The following PUDP variants were observed in gnomAD, a reference collection of about 807,000 sequenced individuals.
The protein encoded by PUDP is pseudouridine 5'-phosphatase.
PUDP carries 8 observed loss-of-function variants against 9.4 expected under a neutral mutation model. That is an observed-to-expected ratio of 0.85 (90% confidence interval 0.50 to 1.53). The LOEUF (loss-of-function observed/expected upper bound fraction) is 1.53. Among genes scored for constraint, PUDP ranks in the 40% most tolerant of loss-of-function variants. The pLI is 0.00. For missense variants in PUDP, 188 were observed against 189.7 expected (o/e 0.99, Z 0.05); for synonymous variants, 99 against 80.7 (o/e 1.23, Z -1.22).
intron 3 of PUDP, among the ~76,000 whole-genome samples, chrX:6,784,890 C>T (rs747132421): frequency 1.8e-5 from 2 of 111,877 alleles, no homozygotes; most frequent in East Asian, 5.6e-4. Context: ...TGTAGGGTAG[C>T]AATTGCATAC....
chrX:6,877,073 G>A (rs1310078718), intron 3 of PUDP, among the ~76,000 whole-genome samples: 8 of 109,901 alleles, frequency 7.3e-5, no homozygotes, highest in Non-Finnish European at 1.3e-4. Flanking sequence ...GGGTTCAAGT[G>A]ATCCTCCCGA....
At chrX:6,926,559 G>A (rs958670443) in intron 3 of PUDP, among the ~76,000 whole-genome samples, 2 of 111,906 alleles carry the variant, frequency 1.8e-5, no homozygotes, top group Non-Finnish European at 3.8e-5. Flanking sequence ...AGGCAGCTCC[G>A]CACTAATTCA....
At chrX:6,943,921 T>G (rs1272116105) in intron 3 of PUDP, among the ~76,000 whole-genome samples, 3 of 111,023 alleles carry the variant, frequency 2.7e-5, no homozygotes, top group Non-Finnish European at 5.6e-5. Flanking sequence ...TGCACAATTT[T>G]AAATGAACAG....
intron 1 of PUDP, among the ~76,000 whole-genome samples, chrX:7,145,262 TTTAC>T (rs1932836440): frequency 8.9e-6 from 1 of 112,241 alleles, no homozygotes; most frequent in Non-Finnish European, 1.9e-5. Flanking sequence ...TCTGTATCTT[TTTAC>T]TTATTAAAAA....
At chrX:6,760,927 C>G in intron 3 of PUDP, among the ~76,000 whole-genome samples, 1 of 112,219 alleles carries the variant, frequency 8.9e-6, no homozygotes, top group South Asian at 3.7e-4. Context: ...AGGTTGTGGA[C>G]TACATAATTC....
intron 1 of PUDP, among the ~76,000 whole-genome samples, chrX:6,708,676 T>C (rs1924497119): frequency 8.9e-6 from 1 of 112,196 alleles, no homozygotes; most frequent in Non-Finnish European, 1.9e-5. Context: ...TGGCTGCCGT[T>C]GTTTTCATCA....
rs747848420 is a variant in PUDP at position 7,050,986 on chromosome X, G to A, written c.511-514C>T. On this transcript the variant is annotated intron_variant, in intron 3 of 3. Coordinates refer to ENST00000381077, the MANE Select transcript of PUDP (RefSeq NM_012080.5). ...TGACGTGACAAATGAGCACGAAAAC[G>A]TAGTGTGCGTGCATGCTCTCTTTTG... Among the ~76,000 whole-genome samples, 64 of 111,966 alleles carry A rather than the reference G, an allele frequency of 5.7e-4. 1 individual carries two copies. Among genetic ancestry groups the A allele is most frequent in the African/African-American group, 1.9e-3 (59 of 30,850 alleles).
intron 2 of PUDP, chrX:7,084,918 G>A (rs991922308): frequency 9.0e-6 from 1 of 111,714 alleles, no homozygotes; most frequent in Non-Finnish European, 1.9e-5. Flanking sequence ...CCGGTTATCC[G>A]AGTTCATGGT....
chrX:6,823,831 G>A (rs1479113224), intron 3 of PUDP, among the ~76,000 whole-genome samples: 1 of 112,355 alleles, frequency 8.9e-6, no homozygotes, highest in Non-Finnish European at 1.9e-5. Context: ...GACCATATAG[G>A]GTAACTTCCG....
chrX:6,782,454 C>T (rs1925579736), intron 3 of PUDP, among the ~76,000 whole-genome samples: 1 of 111,365 alleles, frequency 9.0e-6, no homozygotes, highest in Non-Finnish European at 1.9e-5. Context: ...CCTGTAATCC[C>T]AGCTACTCAG....
At chrX:7,088,131 T>C (rs1169893824) in intron 2 of PUDP, among the ~76,000 whole-genome samples, 5 of 112,294 alleles carry the variant, frequency 4.5e-5, no homozygotes, top group African/African-American at 1.6e-4. Context: ...TTTCAGCCAT[T>C]GAAAATAAAA....
chrX:7,135,725 C>G (rs1932726567), intron 1 of PUDP, among the ~76,000 whole-genome samples: 1 of 111,943 alleles, frequency 8.9e-6, no homozygotes. Context: ...ATGCTTAAGA[C>G]TTAATCTTCC....
intron 1 of PUDP, among the ~76,000 whole-genome samples, chrX:6,987,207 A>G (rs1247703810): frequency 1.8e-5 from 2 of 112,294 alleles, no homozygotes; most frequent in Non-Finnish European, 3.8e-5. Flanking sequence ...CCTGGGAAGA[A>G]AAATGCAAAA....
intron 3 of PUDP, among the ~76,000 whole-genome samples, chrX:6,761,456 C>T (rs763853354): frequency 1.8e-5 from 2 of 112,069 alleles, no homozygotes; most frequent in South Asian, 7.5e-4. Context: ...TGGCCACACC[C>T]CAATGCTTAA....
chrX:7,002,736 G>T (rs779330454), intron 1 of PUDP, among the ~76,000 whole-genome samples: 1 of 111,321 alleles, frequency 9.0e-6, no homozygotes, highest in East Asian at 2.8e-4. Flanking sequence ...TGCATAATGG[G>T]ATCAATCCAC....
rs142470384 is a variant in PUDP at position 6,729,145 on chromosome X, G to A, written c.*248-22679C>T. On this transcript the variant is annotated intron_variant and NMD_transcript_variant, in intron 3 of 3. Coordinates refer to the PUDP transcript ENST00000655425. Reference sequence around the variant, plus strand: ...TATCTTGGGCCCTTAAAATGACTACGCTAAAGGGAAAAGTCCAGCTGGGAA... The same window carrying A: ...TATCTTGGGCCCTTAAAATGACTACACTAAAGGGAAAAGTCCAGCTGGGAA... Among the ~76,000 whole-genome samples the A allele has an allele frequency of 7.6e-3, 849 of 111,536 alleles. 7 individuals are homozygous for A. The highest frequency in any genetic ancestry group is 0.026 in the African/African-American group (808 of 30,686).
intron 3 of PUDP, among the ~76,000 whole-genome samples, chrX:6,765,215 G>A (rs1216531326): frequency 9.0e-6 from 1 of 111,366 alleles, no homozygotes; most frequent in Non-Finnish European, 1.9e-5. Context: ...AGGAGGCAAA[G>A]GTTGCAGTGA....
intron 3 of PUDP, among the ~76,000 whole-genome samples, chrX:6,764,585 T>C (rs1335104573): frequency 8.9e-6 from 1 of 112,190 alleles, no homozygotes; most frequent in East Asian, 2.8e-4. Flanking sequence ...AACAGTGGGT[T>C]AAACAAGGCT....
chrX:6,706,299 C>G (rs1418389991), intron 2 of PUDP: 2 of 111,690 alleles, frequency 1.8e-5, no homozygotes, highest in Admixed American at 9.5e-5. Context: ...CTTAATGCCA[C>G]TGAACCATGC....
Sources: gnomAD v4.1 joint callset for allele counts (sites outside exome capture counted in the v4.1 genomes callset) on GRCh38, gnomAD v4.1.1 for gene constraint, MANE v1.5 for transcripts, NCBI Gene and HGNC (gene_info 2026-07-23, HGNC 2026-07-21) for gene names.